The following MYH13 variants were observed in gnomAD, a reference collection of about 807,000 sequenced individuals.
MYH13 encodes myosin heavy chain 13.
A neutral mutation model predicts 232.1 loss-of-function variants in MYH13; 177 were observed. The ratio of observed to expected loss-of-function variants is 0.76; its 90% CI spans 0.67 to 0.86. The LOEUF is 0.86. MYH13 is among the 40% of genes least tolerant of loss of function. MYH13 has a pLI of 0.00. For missense variants in MYH13, 2,246 were observed against 2,405.9 expected (o/e 0.93, Z 1.39); for synonymous variants, 884 against 923.5 (o/e 0.96, Z 0.78).
chr17:10,355,037 C>CT, intron 9 of MYH13, 44 bp from the exon 10 acceptor site: 1 of 1,610,506 alleles, frequency 6.2e-7, no homozygotes, highest in Non-Finnish European at 8.5e-7. Flanking sequence ...CCAAGAGATG[C>CT]TTTTGTGGCC....
At chr17:10,339,953 C>G (rs1029810274) in intron 18 of MYH13, among the ~76,000 whole-genome samples, 197 bp downstream of exon 18, 2 of 152,168 alleles carry the variant, frequency 1.3e-5, no homozygotes, top group Non-Finnish European at 2.9e-5. Flanking sequence ...ATATCTGTCA[C>G]CTCAAACATT....
chr17:10,303,062 T>A, intron 39 of MYH13, 134 bp downstream of exon 39: 1 of 730,932 alleles, frequency 1.4e-6, no homozygotes, highest in Non-Finnish European at 2.4e-6. Flanking sequence ...GGCAGTTGTC[T>A]CTGTGTTTAT....
intron 22 of MYH13, chr17:10,324,846 C>T (rs1300642328): frequency 7.1e-6 from 1 of 139,882 alleles, no homozygotes; most frequent in Non-Finnish European, 1.5e-5. Flanking sequence ...TCTTTAGAGA[C>T]AAGGGCTTGC....
intron 39 of MYH13, 60 bp from the exon 40 acceptor site, chr17:10,301,763 C>T: frequency 2.5e-6 from 4 of 1,585,244 alleles, no homozygotes; most frequent in Non-Finnish European, 3.4e-6. Context: ...TTATGAGGTG[C>T]CCTGTCTCTG....
chr17:10,346,548 A>G, intron 13 of MYH13, 132 bp downstream of exon 13: 1 of 655,852 alleles, frequency 1.5e-6, no homozygotes, highest in Non-Finnish European at 2.5e-6. Context: ...TCTGAAGCCT[A>G]AAAATGAACT....
Position 10,340,186 on chromosome 17 carries a change from C to G in MYH13, c.2020G>C (p.Val674Leu). 1.2e-6 allele frequency: 2 copies of G among 1,613,952 alleles called. No individual in the cohort carries two copies. The highest frequency in any genetic ancestry group is 1.7e-6 in the Non-Finnish European group (2 of 1,179,926). The change falls in exon 18 of 41, where the codon GTA becomes CTA. Residue 674 changes from valine (V) to leucine (L), a missense_variant. Val to Leu is a conservative substitution (Grantham distance 32). Transcript: ENST00000252172. ...TNLRSTHPHF[V>L]RCLIPNETKT... ...GTCTCATTGGGAATCAGACATCGTA[C>G]AAAGTGAGGGTGGGTGCTCCTTAAG...
In MYH13 at chr17:10,300,935, G is replaced by T. The variant is rs758660412; in HGVS notation, c.*16C>A. The T allele has an allele frequency of 6.2e-7, 1 of 1,611,672 alleles. No individual in the cohort carries two copies. The highest frequency in any genetic ancestry group is 1.1e-5 in the South Asian group (1 of 90,932). ...TCTCTCGGAGGTGTCCCATGGCAAC[G>T]AGCATCAGGTGAGCCTCATTCTTCC... On this transcript the variant is annotated 3_prime_UTR_variant, in exon 41 of 41. Transcript: ENST00000252172.
intron 20 of MYH13, among the ~76,000 whole-genome samples, chr17:10,331,398 A>G (rs1907404188): frequency 6.6e-6 from 1 of 152,074 alleles, no homozygotes; most frequent in African/African-American, 2.4e-5. Flanking sequence ...TTTGCCACTT[A>G]CTATCTATCC....
chr17:10,315,067 A>G (rs549802515), intron 29 of MYH13, among the ~76,000 whole-genome samples: 1 of 152,284 alleles, frequency 6.6e-6, no homozygotes, highest in South Asian at 2.1e-4. Context: ...GGTGGCCAGG[A>G]TGAATTGCTG....
chr17:10,309,966 G>A (rs1906448402), intron 33 of MYH13, 136 bp from the exon 34 acceptor site: 13 of 678,714 alleles, frequency 1.9e-5, no homozygotes, highest in Non-Finnish European at 2.4e-5. Context: ...TTTTTTGGTA[G>A]AGACAGGGTC....
intron 11 of MYH13, among the ~76,000 whole-genome samples, chr17:10,353,883 G>C (rs2071728589): frequency 6.9e-6 from 1 of 145,648 alleles, no homozygotes; most frequent in Non-Finnish European, 1.5e-5. Flanking sequence ...AAAAAAGAAA[G>C]AAAAGAAAAG....
chr17:10,361,525 C>G (rs1286464346), intron 5 of MYH13, among the ~76,000 whole-genome samples: 1 of 152,272 alleles, frequency 6.6e-6, no homozygotes, highest in African/African-American at 2.4e-5. Context: ...AACTCCTGAC[C>G]TCAGGTGATC....
chr17:10,357,643 A>G, intron 8 of MYH13, 92 bp downstream of exon 8: 18 of 1,138,282 alleles, frequency 1.6e-5, no homozygotes, highest in Non-Finnish European at 2.3e-5. Context: ...AGGCCCCCAT[A>G]TATTCCAGTT....
At chr17:10,335,136 G>C (rs1225730769) in intron 18 of MYH13, among the ~76,000 whole-genome samples, 2 of 152,110 alleles carry the variant, frequency 1.3e-5, no homozygotes, top group Admixed American at 1.3e-4. Flanking sequence ...GAAAACTTTT[G>C]AGCTCCAACC....
chr17:10,350,559 C>A lies in MYH13; in HGVS notation c.1141G>T (p.Glu381Ter). Residue 381 changes from glutamate to a stop codon, truncating the protein, a stop_gained, in exon 12 of 41, where the codon GAA (glutamate) becomes TAA (stop). Transcript: ENST00000252172. LOFTEE classifies it high-confidence loss of function. ...REEQAEPDGT[E>*]VADKAGYLMG... ...TCCCTTTCCCAGATGCAGTTACCTT[C>A]GGTGCCGTCTGGCTCCGCCTGCTCC... 2.5e-6 allele frequency: 4 copies of A among 1,612,114 alleles called. No individual in the cohort carries two copies. The highest frequency in any genetic ancestry group is 3.4e-6 in the Non-Finnish European group (4 of 1,179,644).
intron 17 of MYH13, 21 bp from the exon 18 acceptor site, chr17:10,340,258 A>G (rs766319819): frequency 1.2e-5 from 19 of 1,613,610 alleles, no homozygotes; most frequent in Non-Finnish European, 1.4e-5. Context: ...AACCAAAACA[A>G]GCACATTTAG....
rs377122639 is a variant in MYH13, at chr17:10,328,071, T to C, written c.2486A>G (p.Lys829Arg). 36 of 1,614,058 alleles carry C rather than the reference T, an allele frequency of 2.2e-5. No homozygotes were observed. The Admixed American group carries it at 5.7e-4, about 25-fold the overall frequency. Residue 829 changes from lysine to arginine, a missense_variant, in exon 22 of 41, where the codon AAG becomes AGG. Physicochemically the swap from Lys to Arg is conservative, Grantham distance 26. Coordinates refer to ENST00000252172, the MANE Select transcript of MYH13 (RefSeq NM_003802.3). ...QYNIRSFMNV[K>R]HWPWMNLFFK... The stretch of plus-strand genomic sequence containing the variant: ...GAACAGGTTCATCCAGGGCCAGTGC[T>C]TGACGTTCATAAAAGAGCGGATGTT...
At chr17:10,325,685 G>A (rs1293164000) in intron 22 of MYH13, among the ~76,000 whole-genome samples, 1 of 152,134 alleles carries the variant, frequency 6.6e-6, no homozygotes, top group Admixed American at 6.5e-5. Flanking sequence ...TTATATATTT[G>A]TTTATTTATT....
chr17:10,358,085 C>A (rs1230578408), intron 7 of MYH13, among the ~76,000 whole-genome samples: 1 of 151,994 alleles, frequency 6.6e-6, no homozygotes, highest in Non-Finnish European at 1.5e-5. Context: ...GAATATTACT[C>A]CCTCCATCAG....
Sources: gnomAD v4.1 joint callset for allele counts (sites outside exome capture counted in the v4.1 genomes callset) on GRCh38, gnomAD v4.1.1 for gene constraint, MANE v1.5 for transcripts, NCBI Gene and HGNC (gene_info 2026-07-23, HGNC 2026-07-21) for gene names.